The following NDUFAF2 variants were observed in gnomAD, a reference collection of about 807,000 sequenced individuals.
The protein encoded by NDUFAF2 is NADH:ubiquinone oxidoreductase complex assembly factor 2, also known as NADH dehydrogenase [ubiquinone] 1 alpha subcomplex assembly factor 2.
Under a neutral mutation model 22.8 loss-of-function variants are expected in NDUFAF2, and 13 were observed. That is an observed-to-expected ratio of 0.57 (90% CI 0.37 to 0.91). The LOEUF (loss-of-function observed/expected upper bound fraction) is 0.91. Among genes scored for constraint, NDUFAF2 ranks in the 40% least tolerant of loss-of-function variants. The pLI, the probability that NDUFAF2 is intolerant of heterozygous loss-of-function variation, is 0.01. For synonymous variants in NDUFAF2, 53 were observed against 64.2 expected, an observed-to-expected ratio of 0.83 and a Z score of 0.84; for missense variants, 162 against 195.2, an observed-to-expected ratio of 0.83 and a Z score of 1.01.
intron 3 of NDUFAF2, among the ~76,000 whole-genome samples, chr5:61,103,222 GTCTC>G (rs1561565717): frequency 1.3e-5 from 2 of 152,002 alleles, no homozygotes; most frequent in Non-Finnish European, 2.9e-5. Context: ...TTCTAGCTTT[GTCTC>G]CTTAGGCTAC....
intron 3 of NDUFAF2, among the ~76,000 whole-genome samples, chr5:61,136,606 G>A (rs999922256): frequency 1.3e-5 from 2 of 152,114 alleles, no homozygotes; most frequent in African/African-American, 4.8e-5. Context: ...CTTCAAACCA[G>A]GATCTGAGAC....
chr5:61,130,689 T>C (rs2111812602), intron 3 of NDUFAF2, among the ~76,000 whole-genome samples: 1 of 152,236 alleles, frequency 6.6e-6, no homozygotes, highest in East Asian at 1.9e-4. Context: ...ATTTGATCTC[T>C]GAGAAGGAAC....
chr5:60,978,898 CCT>C (rs1316315444), intron 1 of NDUFAF2, among the ~76,000 whole-genome samples: 1 of 152,148 alleles, frequency 6.6e-6, no homozygotes, highest in African/African-American at 2.4e-5. Context: ...TCTAAGAAAA[CCT>C]CTTTCTCCCT....
At position 60,983,969 on chromosome 5, in the gene NDUFAF2, G is replaced by A. The variant is rs529086101; in HGVS notation, c.127+38587G>A. ...TTGGTAGCTTGATGGGGATGGCATT[G>A]AATCTATAAATTACCTTGGGCAGTA... On this transcript the variant is annotated intron_variant, in intron 1 of 3. Transcript: ENST00000296597. 6.6e-5 allele frequency among the ~76,000 whole-genome samples: 10 copies of A among 152,206 alleles called. No individual in the cohort carries two copies. In the South Asian group the frequency reaches 1.9e-3, roughly 28 times the overall value.
chr5:61,141,245 TTAATAA>T (rs946515309), intron 3 of NDUFAF2, among the ~76,000 whole-genome samples: 1 of 151,692 alleles, frequency 6.6e-6, no homozygotes, highest in Admixed American at 6.6e-5. Flanking sequence ...AAAAAATTAA[TTAATAA>T]TAATAATAAT....
At chr5:61,140,456 A>C (rs1327315623) in intron 3 of NDUFAF2, among the ~76,000 whole-genome samples, 1 of 152,202 alleles carries the variant, frequency 6.6e-6, no homozygotes, top group Non-Finnish European at 1.5e-5. Flanking sequence ...GGATAAACAT[A>C]TAAGTCTCCT....
At chr5:61,058,342 A>G (rs1752124495) in intron 1 of NDUFAF2, among the ~76,000 whole-genome samples, 2 of 152,074 alleles carry the variant, frequency 1.3e-5, no homozygotes, top group African/African-American at 4.8e-5. Flanking sequence ...CAAAGTGAAA[A>G]TTAAATACTT....
At chr5:61,116,488 C>A (rs1242460717) in intron 3 of NDUFAF2, 1 of 152,020 alleles carries the variant, frequency 6.6e-6, no homozygotes, top group Non-Finnish European at 1.5e-5. Flanking sequence ...AGGGTTAGAA[C>A]CTTCTATTCA....
At chr5:61,006,084 T>G (rs954661876) in intron 1 of NDUFAF2, among the ~76,000 whole-genome samples, 9 of 152,172 alleles carry the variant, frequency 5.9e-5, no homozygotes, top group African/African-American at 1.7e-4. Flanking sequence ...GGTCTAACAT[T>G]TAAGTCTTTA....
At chr5:60,983,620 G>T (rs1194918372) in intron 1 of NDUFAF2, among the ~76,000 whole-genome samples, 4 of 147,372 alleles carry the variant, frequency 2.7e-5, no homozygotes, top group African/African-American at 7.6e-5. Flanking sequence ...TCTACGTATG[G>T]CTAGCCAGTT....
At chr5:61,009,759 C>T (rs1751420492) in intron 1 of NDUFAF2, among the ~76,000 whole-genome samples, 1 of 152,034 alleles carries the variant, frequency 6.6e-6, no homozygotes, top group Non-Finnish European at 1.5e-5. Context: ...CAGATCCATT[C>T]TCCCTATGTT....
chr5:61,117,831 A>C (rs1360767625), intron 3 of NDUFAF2, among the ~76,000 whole-genome samples: 4 of 152,138 alleles, frequency 2.6e-5, no homozygotes, highest in Non-Finnish European at 4.4e-5. Context: ...TGTAGTATGA[A>C]AGCAGTTATA....
rs1240336890 is a variant in NDUFAF2 at position 61,147,437 on chromosome 5, C to CTTTTTTTTTTTTTTTTTTTTTTT, written c.259-5250_259-5249insTTTTTTTTTTTTTTTTTTTTTTT. Among the ~76,000 whole-genome samples the CTTTTTTTTTTTTTTTTTTTTTTT allele has an allele frequency of 2.1e-4, 18 of 84,734 alleles. 3 individuals are homozygous for CTTTTTTTTTTTTTTTTTTTTTTT. Among genetic ancestry groups the CTTTTTTTTTTTTTTTTTTTTTTT allele is most frequent in the East Asian group, 5.6e-4 (1 of 1,800 alleles). The allele number at this position is 84,734 out of a possible 152,430, so 55.6% of individuals were successfully genotyped here. ...CTAATTTTTGTATTTTTTTTTCTTT[C>CTTTTTTTTTTTTTTTTTTTTTTT]TTTTTTTTTTTTTTTTTGTAGCAAC... On this transcript the variant is annotated intron_variant, in intron 3 of 3. Transcript: ENST00000296597.
chr5:61,023,096 A>G (rs1751605209), intron 1 of NDUFAF2, among the ~76,000 whole-genome samples: 2 of 152,188 alleles, frequency 1.3e-5, no homozygotes, highest in Admixed American at 6.5e-5. Flanking sequence ...TGTCTTTTCA[A>G]ATAGGTGTTC....
At chr5:61,087,691 C>A (rs751274525) in intron 2 of NDUFAF2, among the ~76,000 whole-genome samples, 5 of 152,058 alleles carry the variant, frequency 3.3e-5, no homozygotes, top group Admixed American at 2.6e-4. Flanking sequence ...TAAGTCCAAA[C>A]AAATTCTTGT....
intron 3 of NDUFAF2, among the ~76,000 whole-genome samples, chr5:61,130,739 A>G (rs531678147): frequency 6.6e-6 from 1 of 152,284 alleles, no homozygotes; most frequent in African/African-American, 2.4e-5. Context: ...CCAAAAAGGA[A>G]GACTCTAAAA....
chr5:61,111,348 T>C (rs2111784245), intron 3 of NDUFAF2, among the ~76,000 whole-genome samples: 1 of 152,330 alleles, frequency 6.6e-6, no homozygotes, highest in Non-Finnish European at 1.5e-5. Context: ...GTAGTGCAGA[T>C]TAAGTCCAGT....
chr5:61,079,625 C>G (rs1270358428), intron 2 of NDUFAF2, among the ~76,000 whole-genome samples: 3 of 152,346 alleles, frequency 2.0e-5, no homozygotes, highest in Non-Finnish European at 2.9e-5. Context: ...AATATTCTTG[C>G]ATTGTTTCTG....
rs158913 is a variant in NDUFAF2 at position 60,952,725 on chromosome 5, G to A, written c.127+7343G>A. On this transcript the variant is annotated intron_variant, in intron 1 of 3. Transcript: ENST00000296597. ...CAAGCTGGTTGATAGAGTTGTTCAAGCTTTGTATATTCACACTGATTTTTT... is the reference window on the plus strand; with the variant it reads ...CAAGCTGGTTGATAGAGTTGTTCAAACTTTGTATATTCACACTGATTTTTT... 6.8e-3 allele frequency among the ~76,000 whole-genome samples: 1,029 copies of A among 152,120 alleles called. 1 individual carries two copies. Among genetic ancestry groups the A allele is most frequent in the Middle Eastern group, 0.01 (3 of 294 alleles).
Sources: gnomAD v4.1 joint callset for allele counts (sites outside exome capture counted in the v4.1 genomes callset) on GRCh38, gnomAD v4.1.1 for gene constraint, MANE v1.5 for transcripts, NCBI Gene and HGNC (gene_info 2026-07-23, HGNC 2026-07-21) for gene names.